TMOD1: variants seen among roughly 807,000 people sequenced by gnomAD.
TMOD1 encodes the protein tropomodulin 1.
Under a neutral mutation model 40.6 loss-of-function variants are expected in TMOD1, and 17 were observed. That is an observed-to-expected ratio of 0.42 (90% CI 0.29 to 0.63). The LOEUF (loss-of-function observed/expected upper bound fraction) is 0.63, where lower values mean the gene tolerates loss of function less well. Ranked by LOEUF, TMOD1 falls within the 20% of genes least tolerant of loss-of-function variation. TMOD1 has a pLI of 0.22. For synonymous variants in TMOD1, 181 were observed against 175.0 expected, an observed-to-expected ratio of 1.03 and a Z score of -0.27; for missense variants, 391 against 447.6, an observed-to-expected ratio of 0.87 and a Z score of 1.14.
intron 1 of TMOD1, among the ~76,000 whole-genome samples, chr9:97,514,618 C>G (rs1829770017): frequency 6.6e-6 from 1 of 152,204 alleles, no homozygotes; most frequent in South Asian, 2.1e-4. Flanking sequence ...CCCACTCCTG[C>G]TGGGCTGCCA....
intron 8 of TMOD1, among the ~76,000 whole-genome samples, chr9:97,577,086 C>G (rs1355430267): frequency 6.6e-6 from 1 of 152,164 alleles, no homozygotes; most frequent in East Asian, 1.9e-4. Flanking sequence ...ACTTCTCAAG[C>G]AAATCTGAAG....
intron 1 of TMOD1, among the ~76,000 whole-genome samples, chr9:97,514,873 T>C (rs1829775312): frequency 6.6e-6 from 1 of 152,198 alleles, no homozygotes; most frequent in South Asian, 2.1e-4. Context: ...AAGATTGTGT[T>C]GGGCCAGTGA....
Position 97,557,929 on chromosome 9 carries a change from A to C in TMOD1, c.397+4529A>C, listed in dbSNP as rs2131259717. Among the ~76,000 whole-genome samples the C allele has an allele frequency of 6.6e-6, 1 of 152,106 alleles. No individual in the cohort carries two copies. Among genetic ancestry groups the C allele is most frequent in the Non-Finnish European group, 1.5e-5 (1 of 68,010 alleles). The stretch of plus-strand genomic sequence containing the variant: ...AATTCAGCCTTGCCAATATCTACAA[A>C]GAATGAAGCAACAGGCAATGTTGAT... On this transcript the variant is annotated intron_variant, in intron 4 of 9. Transcript: ENST00000259365. The surrounding 1 kb of genome is among the most constrained non-coding windows in gnomAD (Gnocchi z 4.4).
chr9:97,597,363 A>G (rs542226135), intron 9 of TMOD1, among the ~76,000 whole-genome samples: 19 of 152,278 alleles, frequency 1.2e-4, no homozygotes, highest in African/African-American at 4.6e-4. Flanking sequence ...TACCTGAATA[A>G]ATGGATGCCT....
intron 6 of TMOD1, 42 bp downstream of exon 6, chr9:97,564,210 G>A: frequency 6.4e-7 from 1 of 1,552,706 alleles, no homozygotes; most frequent in Non-Finnish European, 8.7e-7. Flanking sequence ...GTGGCTGGGG[G>A]AGGGGGAACC....
chr9:97,502,740 A>G lies in TMOD1; in HGVS notation c.-49+937A>G, dbSNP rs1829525996. ...AAGGCCGTCGGATATCCTAAGCCGTACAACCCTAGGAAGTGCACTTTTGGG... is the reference window on the plus strand; with the variant it reads ...AAGGCCGTCGGATATCCTAAGCCGTGCAACCCTAGGAAGTGCACTTTTGGG... On this transcript the variant is annotated intron_variant, in intron 1 of 9. Transcript: ENST00000259365. This position sits in a 1 kb window ranked among gnomAD's most constrained non-coding sequence, Gnocchi z 6.1. Among the ~76,000 whole-genome samples, 1 of 152,198 alleles carries G rather than the reference A, an allele frequency of 6.6e-6. No individual in the cohort carries two copies. The highest frequency in any genetic ancestry group is 1.5e-5 in the Non-Finnish European group (1 of 68,018).
chr9:97,531,848 C>T (rs1451544170), intron 2 of TMOD1, among the ~76,000 whole-genome samples: 10 of 152,050 alleles, frequency 6.6e-5, no homozygotes, highest in Non-Finnish European at 1.5e-4. Flanking sequence ...GTCATTATTA[C>T]CATTTCACTG....
intron 8 of TMOD1, among the ~76,000 whole-genome samples, chr9:97,572,363 G>C (rs1452159876): frequency 2.0e-5 from 3 of 152,114 alleles, no homozygotes; most frequent in Admixed American, 6.5e-5. Context: ...TGGGAAGATG[G>C]TTCTGGCTGG....
chr9:97,574,934 A>C (rs1486081109), intron 8 of TMOD1, among the ~76,000 whole-genome samples: 1 of 152,218 alleles, frequency 6.6e-6, no homozygotes, highest in African/African-American at 2.4e-5. Flanking sequence ...CAGACCAACC[A>C]GCTCTCTATA....
chr9:97,557,945 C>A lies in TMOD1; in HGVS notation c.397+4545C>A, dbSNP rs572951754. Among the ~76,000 whole-genome samples the A allele has an allele frequency of 4.8e-4, 73 of 152,002 alleles. No homozygotes were observed. Among genetic ancestry groups the A allele is most frequent in the African/African-American group, 1.7e-3 (69 of 41,464 alleles). ...TATCTACAAAGAATGAAGCAACAGGCAATGTTGATGTGCCGTTTTCTCCCG... is the reference window on the plus strand; with the variant it reads ...TATCTACAAAGAATGAAGCAACAGGAAATGTTGATGTGCCGTTTTCTCCCG... On this transcript the variant is annotated intron_variant, in intron 4 of 9. Transcript: ENST00000259365. The surrounding 1 kb of genome is among the most constrained non-coding windows in gnomAD (Gnocchi z 4.4).
chr9:97,515,854 C>T (rs762882881), intron 1 of TMOD1, among the ~76,000 whole-genome samples: 1 of 152,160 alleles, frequency 6.6e-6, no homozygotes, highest in African/African-American at 2.4e-5. Context: ...CTATCTGGAA[C>T]CCATCACAGG....
At chr9:97,529,222 A>T (rs1024879551) in intron 2 of TMOD1, among the ~76,000 whole-genome samples, 1 of 152,186 alleles carries the variant, frequency 6.6e-6, no homozygotes, top group Non-Finnish European at 1.5e-5. Flanking sequence ...CCTGAGGTGC[A>T]GAAGTCCAGG....
At chr9:97,531,065 A>C (rs1830097430) in intron 2 of TMOD1, among the ~76,000 whole-genome samples, 1 of 89,736 alleles carries the variant, frequency 1.1e-5, no homozygotes, top group Non-Finnish European at 2.4e-5. Flanking sequence ...TGGCCTCCCA[A>C]AGTGCTGGGA....
At chr9:97,575,498 G>C (rs188012532) in intron 8 of TMOD1, among the ~76,000 whole-genome samples, 6 of 152,344 alleles carry the variant, frequency 3.9e-5, no homozygotes, top group Admixed American at 1.3e-4. Context: ...TATCTCAAAG[G>C]GGGAGGAGTT....
At position 97,601,602 on chromosome 9, in the gene TMOD1, A is replaced by G. The variant is rs1378198172; in HGVS notation, c.*1904A>G. On this transcript the variant is annotated 3_prime_UTR_variant, in exon 10 of 10. Transcript: ENST00000259365. ...GCTGGTCTAGATCAGGGGCTGGCAAACTTTTCTGTAAAAGGCCAGACAGTA... is the reference window on the plus strand; with the variant it reads ...GCTGGTCTAGATCAGGGGCTGGCAAGCTTTTCTGTAAAAGGCCAGACAGTA... The G allele has an allele frequency of 4.1e-6, 4 of 987,172 alleles. No individual in the cohort carries two copies. The African/African-American group carries it at 7.0e-5, about 17-fold the overall frequency. 61.2% of individuals were successfully genotyped at this position (987,172 alleles called of 1,614,324 possible).
chr9:97,510,979 T>C (rs1829686559), intron 1 of TMOD1, among the ~76,000 whole-genome samples: 1 of 152,098 alleles, frequency 6.6e-6, no homozygotes, highest in Non-Finnish European at 1.5e-5. Flanking sequence ...ACTCTTTTCC[T>C]GGAACCCTGT....
At chr9:97,511,836 C>G (rs1449649471) in intron 1 of TMOD1, among the ~76,000 whole-genome samples, 1 of 118,796 alleles carries the variant, frequency 8.4e-6, no homozygotes, top group African/African-American at 2.9e-5. Flanking sequence ...CCGCCTGCCT[C>G]TGCCTCCCAA....
At chr9:97,587,374 CCAA>C (rs1415216629) in intron 8 of TMOD1, among the ~76,000 whole-genome samples, 4 of 152,172 alleles carry the variant, frequency 2.6e-5, no homozygotes, top group African/African-American at 9.7e-5. Flanking sequence ...TACATTCTCA[CCAA>C]CGTTTGGTGT....
chr9:97,580,346 C>T (rs1420945650), intron 8 of TMOD1, among the ~76,000 whole-genome samples: 1 of 152,180 alleles, frequency 6.6e-6, no homozygotes, highest in Non-Finnish European at 1.5e-5. Context: ...GTGGCTCACA[C>T]CTGTAATCCC....
Sources: allele counts gnomAD v4.1 joint callset (sites outside exome capture counted in the v4.1 genomes callset), GRCh38; gene constraint gnomAD v4.1.1; non-coding constraint Gnocchi (gnomAD v3.1); transcripts MANE v1.5; gene names NCBI Gene and HGNC (gene_info 2026-07-23, HGNC 2026-07-21).